NTNG1: variants seen among roughly 807,000 people sequenced by gnomAD.
NTNG1 encodes the protein netrin G1, also known as netrin-G1.
NTNG1 carries 16 observed loss-of-function variants against 54.0 expected under a neutral mutation model. That is an observed-to-expected ratio of 0.30 (90% CI 0.20 to 0.45). The LOEUF is 0.45. NTNG1 is among the 20% of genes least tolerant of loss of function. The pLI, the probability that NTNG1 is intolerant of heterozygous loss-of-function variation, is 1.00. For missense variants in NTNG1, 530 were observed against 678.7 expected, an observed-to-expected ratio of 0.78 and a Z score of 2.43; for synonymous variants, 255 against 263.1, an observed-to-expected ratio of 0.97 and a Z score of 0.30.
At chr1:107,379,015 A>C (rs1570808741) in intron 3 of NTNG1, among the ~76,000 whole-genome samples, 1 of 152,202 alleles carries the variant, frequency 6.6e-6, no homozygotes, top group Non-Finnish European at 1.5e-5. Context: ...GAAATACATT[A>C]TCTAATGGCA....
chr1:107,281,354 A>AT (rs561783567), intron 2 of NTNG1, among the ~76,000 whole-genome samples: 6,404 of 151,358 alleles, frequency 0.042, 170 homozygotes, highest in Middle Eastern at 0.068. Flanking sequence ...TTTAGCAGGG[A>AT]TTTTTTTTTC....
intron 3 of NTNG1, among the ~76,000 whole-genome samples, chr1:107,368,071 C>A (rs1284941115): frequency 6.6e-6 from 1 of 152,072 alleles, no homozygotes; most frequent in African/African-American, 2.4e-5. Flanking sequence ...AAACTTTAAA[C>A]AAGGATGGCT....
At chr1:107,287,625 G>A (rs552534832) in intron 2 of NTNG1, among the ~76,000 whole-genome samples, 5 of 152,184 alleles carry the variant, frequency 3.3e-5, no homozygotes, top group South Asian at 4.2e-4. Context: ...GTTGATGGTA[G>A]GGGAAAAGGT....
chr1:107,323,715 C>T (rs191480458), intron 2 of NTNG1, among the ~76,000 whole-genome samples: 15 of 152,060 alleles, frequency 9.9e-5, no homozygotes, highest in African/African-American at 3.6e-4. Flanking sequence ...ACAAAGTAAA[C>T]GTTGTAAAAC....
chr1:107,171,820 A>G (rs2101093687), intron 2 of NTNG1, among the ~76,000 whole-genome samples: 1 of 152,330 alleles, frequency 6.6e-6, no homozygotes, highest in Non-Finnish European at 1.5e-5. Flanking sequence ...AGCTGACCAG[A>G]GTTACCAGCG....
At chr1:107,404,641 G>A (rs991198063) in intron 4 of NTNG1, among the ~76,000 whole-genome samples, 1 of 151,994 alleles carries the variant, frequency 6.6e-6, no homozygotes, top group African/African-American at 2.4e-5. Context: ...GATCCAACAG[G>A]TGCAGAAGGG....
At chr1:107,187,478 A>T (rs1010727095) in intron 2 of NTNG1, among the ~76,000 whole-genome samples, 1 of 152,172 alleles carries the variant, frequency 6.6e-6, no homozygotes, top group Admixed American at 6.6e-5. Flanking sequence ...CTAGCATATC[A>T]CTGAATTAAT....
chr1:107,349,327 C>A (rs1669454174), intron 3 of NTNG1, among the ~76,000 whole-genome samples: 1 of 152,012 alleles, frequency 6.6e-6, no homozygotes, highest in Non-Finnish European at 1.5e-5. Context: ...AAATAATAAT[C>A]TATTTTTTAA....
At chr1:107,451,990 T>C (rs1023559577) in intron 7 of NTNG1, among the ~76,000 whole-genome samples, 1 of 152,124 alleles carries the variant, frequency 6.6e-6, no homozygotes, top group Non-Finnish European at 1.5e-5. Flanking sequence ...TCTTATGTAG[T>C]GGTTTGAATC....
chr1:107,173,414 C>T (rs895175823), intron 2 of NTNG1, among the ~76,000 whole-genome samples: 1 of 152,164 alleles, frequency 6.6e-6, no homozygotes, highest in African/African-American at 2.4e-5. Context: ...AATTGAATAA[C>T]CTGGCTTATT....
chr1:107,285,266 T>G (rs540348713), intron 2 of NTNG1, among the ~76,000 whole-genome samples: 4 of 152,276 alleles, frequency 2.6e-5, no homozygotes, highest in Admixed American at 1.3e-4. Flanking sequence ...AGGAGGTGCA[T>G]TTACTCTGTT....
At chr1:107,465,718 A>T (rs1677561406) in intron 7 of NTNG1, among the ~76,000 whole-genome samples, 1 of 152,182 alleles carries the variant, frequency 6.6e-6, no homozygotes, top group Non-Finnish European at 1.5e-5. Context: ...GGGACCAGGG[A>T]GAACATGGAC....
At chr1:107,433,845 G>T (rs532067645) in intron 6 of NTNG1, among the ~76,000 whole-genome samples, 1 of 152,190 alleles carries the variant, frequency 6.6e-6, no homozygotes, top group Non-Finnish European at 1.5e-5. Context: ...TCTCAGGGCC[G>T]TTGGAAGCCT....
At chr1:107,177,252 T>C (rs1019747332) in intron 2 of NTNG1, among the ~76,000 whole-genome samples, 1 of 152,144 alleles carries the variant, frequency 6.6e-6, no homozygotes, top group Non-Finnish European at 1.5e-5. Flanking sequence ...TACATGCTCA[T>C]GTTAACAAAT....
At chr1:107,233,763 C>A (rs1042960797) in intron 2 of NTNG1, among the ~76,000 whole-genome samples, 1 of 152,120 alleles carries the variant, frequency 6.6e-6, no homozygotes, top group Non-Finnish European at 1.5e-5. Context: ...TTTCTGTTGC[C>A]TGTTCAGGAT....
At chr1:107,247,102 G>A (rs768641764) in intron 2 of NTNG1, among the ~76,000 whole-genome samples, 8 of 152,158 alleles carry the variant, frequency 5.3e-5, no homozygotes, top group Non-Finnish European at 7.3e-5. Context: ...GGAAGAAGCC[G>A]AAAGGGTAAT....
intron 2 of NTNG1, among the ~76,000 whole-genome samples, chr1:107,207,972 C>T (rs760532535): frequency 3.3e-5 from 5 of 152,146 alleles, no homozygotes; most frequent in Non-Finnish European, 7.3e-5. Context: ...CTACCAGGGA[C>T]TCGTACTCAC....
intron 7 of NTNG1, among the ~76,000 whole-genome samples, chr1:107,450,046 T>C (rs570149567): frequency 1.3e-5 from 2 of 152,244 alleles, no homozygotes; most frequent in African/African-American, 4.8e-5. Context: ...GTTTATCCTG[T>C]TTCTTCAAGA....
chr1:107,454,626 A>T (rs1359909188), intron 7 of NTNG1, among the ~76,000 whole-genome samples: 1 of 152,226 alleles, frequency 6.6e-6, no homozygotes, highest in African/African-American at 2.4e-5. Context: ...TGGCCCAATA[A>T]GCAGACCCCA....
Sources: gnomAD v4.1 joint callset for allele counts (sites outside exome capture counted in the v4.1 genomes callset) on GRCh38, gnomAD v4.1.1 for gene constraint, MANE v1.5 for transcripts, NCBI Gene and HGNC (gene_info 2026-07-23, HGNC 2026-07-21) for gene names.